The following TMEM132D variants were observed in gnomAD, a reference collection of about 807,000 sequenced individuals.
TMEM132D encodes the protein mature OL transmembrane protein.
In TMEM132D, 21 loss-of-function variants were observed where a neutral mutation model predicts 62.3. That is an observed-to-expected ratio of 0.34 (90% CI 0.24 to 0.49). The LOEUF (loss-of-function observed/expected upper bound fraction) is 0.49, where lower values mean the gene tolerates loss of function less well. Ranked by LOEUF, TMEM132D falls within the 20% of genes least tolerant of loss-of-function variation. The pLI, the probability that TMEM132D is intolerant of heterozygous loss-of-function variation, is 0.99. For synonymous variants in TMEM132D, 621 were observed against 575.6 expected (o/e 1.08, Z -1.13); for missense variants, 1,346 against 1,402.8 (o/e 0.96, Z 0.65).
Position 129,747,505 on chromosome 12 carries a change from GACAC to G in TMEM132D, c.80-46811_80-46808del, listed in dbSNP as rs540030391. Among the ~76,000 whole-genome samples, 38 of 144,498 alleles carry G rather than the reference GACAC, an allele frequency of 2.6e-4. No homozygotes were observed. The East Asian group carries it at 5.5e-3, about 21-fold the overall frequency. The allele number at this position is 144,498 out of a possible 152,430, so 94.8% of individuals were successfully genotyped here. ...TCAGATACCCTCTCACACACACTCA[GACAC>G]ACACACACTCTCACACATTCAGACA... On this transcript the variant is annotated intron_variant, in intron 1 of 8. Coordinates refer to ENST00000422113, the MANE Select transcript of TMEM132D (RefSeq NM_133448.3).
intron 4 of TMEM132D, among the ~76,000 whole-genome samples, chr12:129,229,788 C>A (rs1010341847): frequency 6.6e-5 from 10 of 152,152 alleles, no homozygotes; most frequent in African/African-American, 2.2e-4. Context: ...CCTTTTTTAA[C>A]CTGCAAGCCA....
intron 3 of TMEM132D, among the ~76,000 whole-genome samples, chr12:129,438,428 G>A (rs1872847948): frequency 6.6e-6 from 1 of 152,172 alleles, no homozygotes; most frequent in Admixed American, 6.6e-5. Context: ...TGGATACTAT[G>A]CAGCAACAAC....
At chr12:129,341,314 G>A (rs1429009393) in intron 3 of TMEM132D, among the ~76,000 whole-genome samples, 1 of 152,198 alleles carries the variant, frequency 6.6e-6, no homozygotes, top group Non-Finnish European at 1.5e-5. Flanking sequence ...TGTATTGTAG[G>A]AGATAAATAC....
chr12:129,234,429 G>T (rs765668056), intron 4 of TMEM132D, among the ~76,000 whole-genome samples: 11 of 152,120 alleles, frequency 7.2e-5, no homozygotes, highest in African/African-American at 2.7e-4. Context: ...TTTCACACCC[G>T]TTCCAGGAGA....
At chr12:129,259,166 G>A (rs750619451) in intron 4 of TMEM132D, among the ~76,000 whole-genome samples, 2 of 152,080 alleles carry the variant, frequency 1.3e-5, no homozygotes, top group Non-Finnish European at 1.5e-5. Context: ...TGAACATTGC[G>A]AGTCATTTCC....
chr12:129,284,106 G>T (rs1413771802), intron 4 of TMEM132D, among the ~76,000 whole-genome samples: 1 of 151,830 alleles, frequency 6.6e-6, no homozygotes, highest in Non-Finnish European at 1.5e-5. Context: ...AGCTGGATGT[G>T]CATATGAGGC....
intron 4 of TMEM132D, among the ~76,000 whole-genome samples, chr12:129,244,373 G>A (rs112384378): frequency 0.2 from 23,909 of 119,750 alleles, 2,352 homozygotes; most frequent in East Asian, 0.32. Flanking sequence ...GCGACAGAGC[G>A]AGACTCTGTC....
At chr12:129,328,052 G>A (rs1248446422) in intron 4 of TMEM132D, among the ~76,000 whole-genome samples, 1 of 152,132 alleles carries the variant, frequency 6.6e-6, no homozygotes, top group East Asian at 1.9e-4. Context: ...CCTTCTGTCT[G>A]GAAAGCCAGC....
intron 1 of TMEM132D, among the ~76,000 whole-genome samples, chr12:129,801,187 G>A (rs747871899): frequency 1.6e-4 from 25 of 152,352 alleles, no homozygotes; most frequent in Admixed American, 7.2e-4. Context: ...AAGCAGCCGG[G>A]AAGCTCCAAC....
chr12:129,879,684 A>T (rs1874535614), intron 1 of TMEM132D, among the ~76,000 whole-genome samples: 1 of 152,232 alleles, frequency 6.6e-6, no homozygotes, highest in Non-Finnish European at 1.5e-5. Context: ...AAATGCTAGA[A>T]ATAATATAAT....
At chr12:129,854,831 G>A (rs1873666137) in intron 1 of TMEM132D, 1 of 152,248 alleles carries the variant, frequency 6.6e-6, no homozygotes, top group Admixed American at 6.5e-5. Context: ...GATCTGAGCC[G>A]AGCCATCTGG....
chr12:129,226,415 A>G (rs925422756), intron 4 of TMEM132D, among the ~76,000 whole-genome samples: 1 of 152,208 alleles, frequency 6.6e-6, no homozygotes, highest in Non-Finnish European at 1.5e-5. Context: ...AGGCATCTCA[A>G]GGGACAGGAA....
intron 1 of TMEM132D, among the ~76,000 whole-genome samples, chr12:129,803,495 A>C (rs1871868549): frequency 1.3e-5 from 2 of 152,060 alleles, no homozygotes; most frequent in Admixed American, 6.6e-5. Flanking sequence ...AACCAACGAG[A>C]AGAAAGACAC....
At chr12:129,207,335 C>T (rs1483650988) in intron 5 of TMEM132D, among the ~76,000 whole-genome samples, 1 of 151,916 alleles carries the variant, frequency 6.6e-6, no homozygotes, top group Non-Finnish European at 1.5e-5. Context: ...AGCTTAGGTT[C>T]CAACGAGGAC....
At chr12:129,202,669 G>T (rs1412922230) in intron 5 of TMEM132D, among the ~76,000 whole-genome samples, 2 of 152,068 alleles carry the variant, frequency 1.3e-5, no homozygotes, top group Non-Finnish European at 2.9e-5. Flanking sequence ...GTTCTGATTG[G>T]CCACCCTGAA....
chr12:129,845,729 A>G (rs1873339558), intron 1 of TMEM132D, among the ~76,000 whole-genome samples: 1 of 152,212 alleles, frequency 6.6e-6, no homozygotes, highest in Non-Finnish European at 1.5e-5. Context: ...ATTGGGGCTT[A>G]ACCCAGGAGG....
intron 3 of TMEM132D, among the ~76,000 whole-genome samples, chr12:129,459,106 G>T (rs1316500246): frequency 6.6e-6 from 1 of 152,100 alleles, no homozygotes; most frequent in Non-Finnish European, 1.5e-5. Context: ...CTCCCTGAAG[G>T]TCTCTGTGAC....
intron 4 of TMEM132D, among the ~76,000 whole-genome samples, chr12:129,335,427 C>T (rs915333853): frequency 6.6e-5 from 10 of 152,160 alleles, no homozygotes; most frequent in South Asian, 2.1e-4. Flanking sequence ...CATGAGCCAC[C>T]GCACCTAGTC....
intron 1 of TMEM132D, among the ~76,000 whole-genome samples, chr12:129,750,373 C>T (rs1593146907): frequency 6.6e-6 from 1 of 152,146 alleles, no homozygotes; most frequent in South Asian, 2.1e-4. Context: ...GCGTGAGCTA[C>T]CGCGCCCAGC....
Sources: allele counts gnomAD v4.1 joint callset (sites outside exome capture counted in the v4.1 genomes callset), GRCh38; gene constraint gnomAD v4.1.1; transcripts MANE v1.5; gene names NCBI Gene and HGNC (gene_info 2026-07-23, HGNC 2026-07-21).